Variants in KIF26A observed in about 807,000 individuals in gnomAD.
KIF26A encodes kinesin family member 26A.
A neutral mutation model predicts 126.0 loss-of-function variants in KIF26A; 74 were observed. The ratio of observed to expected loss-of-function variants is 0.59; its 90% confidence interval spans 0.49 to 0.71. KIF26A has a LOEUF of 0.71. Among genes scored for constraint, KIF26A ranks in the 30% least tolerant of loss-of-function variants. The pLI is 0.00. For synonymous variants in KIF26A, 1,445 were observed against 1,232.7 expected, an observed-to-expected ratio of 1.17 and a Z score of -3.61; for missense variants, 2,984 against 2,763.3, an observed-to-expected ratio of 1.08 and a Z score of -1.79.
At chr14:104,159,581 G>A (rs572008193) in intron 4 of KIF26A, among the ~76,000 whole-genome samples, 2 of 152,360 alleles carry the variant, frequency 1.3e-5, no homozygotes, top group South Asian at 4.1e-4. Flanking sequence ...CCGCTTGCCA[G>A]CCGCGCTGCC....
chr14:104,175,849 C>T lies in KIF26A; in HGVS notation c.3061C>T (p.Gln1021Ter), dbSNP rs2038017286. ...RGLLTTTVTL[Q>*]RPVELNGEDE... The stretch of plus-strand genomic sequence containing the variant: ...CCTGCTCACCACCACAGTGACCCTG[C>T]AGCGGCCAGTGGAGCTCAACGGCGA... Residue 1021 changes from glutamine (Q) to a stop codon, truncating the protein, a stop_gained, in exon 12 of 15, where the codon CAG becomes TAG. Transcript: ENST00000423312. LOFTEE classifies it high-confidence loss of function. 6.5e-7 allele frequency: 1 copy of T among 1,539,042 alleles called. No individual in the cohort carries two copies. Among genetic ancestry groups the T allele is most frequent in the Non-Finnish European group, 8.7e-7 (1 of 1,147,392 alleles).
At chr14:104,167,984 C>T (rs997863126) in intron 5 of KIF26A, among the ~76,000 whole-genome samples, 2 of 152,188 alleles carry the variant, frequency 1.3e-5, no homozygotes, top group Admixed American at 6.5e-5. Flanking sequence ...GCTGTGCCCA[C>T]GTTGGAGACC....
chr14:104,176,338 G>A lies in KIF26A; in HGVS notation c.3550G>A (p.Ala1184Thr). ...GPCPGEVAAV[A>T]PSRPGREPQA... ...GTGCCCTGGGGAAGTGGCTGCAGTGGCCCCATCCCGACCCGGCAGGGAGCC... is the reference window on the plus strand; with the variant it reads ...GTGCCCTGGGGAAGTGGCTGCAGTGACCCCATCCCGACCCGGCAGGGAGCC... The change falls in exon 12 of 15, where the codon GCC becomes ACC. Residue 1184 changes from alanine to threonine, a missense_variant. Coordinates refer to ENST00000423312, the MANE Select transcript of KIF26A (RefSeq NM_015656.2). The A allele has an allele frequency of 6.3e-7, 1 of 1,583,102 alleles. No individual in the cohort carries two copies. The highest frequency in any genetic ancestry group is 8.6e-7 in the Non-Finnish European group (1 of 1,161,568).
chr14:104,177,151 C>T lies in KIF26A; in HGVS notation c.4363C>T (p.Pro1455Ser). The T allele has an allele frequency of 2.5e-6, 4 of 1,597,660 alleles. No individual in the cohort carries two copies. Among genetic ancestry groups the T allele is most frequent in the East Asian group, 2.2e-5 (1 of 44,830 alleles). ...CAGCAGCAGCAAGGGCCGGGAAGCC[C>T]CTGGGCGGCCTCCCCGGGCTGTACC... ...AHSSSKGREAPGRPPRAVPKL... is the reference protein window; with the variant it reads ...AHSSSKGREASGRPPRAVPKL... Residue 1455 changes from proline (P) to serine (S), a missense_variant, in exon 12 of 15, where the codon CCT becomes TCT. Physicochemically the swap from Pro to Ser is moderately conservative, Grantham distance 74 (BLOSUM62 -1). Transcript: ENST00000423312.
intron 4 of KIF26A, among the ~76,000 whole-genome samples, chr14:104,162,843 G>A (rs1008787660): frequency 1.1e-4 from 16 of 152,192 alleles, no homozygotes; most frequent in Non-Finnish European, 1.5e-4. Context: ...AGGGGCCACC[G>A]TGGGGACCGT....
At chr14:104,179,507 G>T in intron 14 of KIF26A, 102 bp from the exon 15 acceptor site, 1 of 1,427,046 alleles carries the variant, frequency 7.0e-7, no homozygotes, top group Non-Finnish European at 9.2e-7. Flanking sequence ...AGGCAGGGTC[G>T]GCCGGGCCAA....
At chr14:104,139,866 C>T (rs903498811) in intron 2 of KIF26A, among the ~76,000 whole-genome samples, 7 of 152,316 alleles carry the variant, frequency 4.6e-5, no homozygotes, top group Middle Eastern at 3.4e-3. Flanking sequence ...GGAATTGAGT[C>T]GGGGCCCTCT....
rs563662850 is a variant in KIF26A at position 104,150,386 on chromosome 14, T to C, written c.289-1629T>C. Among the ~76,000 whole-genome samples, 68 of 151,774 alleles carry C rather than the reference T, an allele frequency of 4.5e-4. 1 individual carries two copies. Among genetic ancestry groups the C allele is most frequent in the Admixed American group, 1.1e-3 (17 of 15,246 alleles). On this transcript the variant is annotated intron_variant, in intron 2 of 14. Transcript: ENST00000423312. ...AAATCCAGGCCTCTGGAGTGGCCCATAAATCAGGCAGCTGGGCCTGATGGG... is the reference window on the plus strand; with the variant it reads ...AAATCCAGGCCTCTGGAGTGGCCCACAAATCAGGCAGCTGGGCCTGATGGG...
intron 3 of KIF26A, among the ~76,000 whole-genome samples, chr14:104,153,642 G>GAACCCCACCCT (rs1218036764): frequency 3.3e-5 from 5 of 151,788 alleles, no homozygotes; most frequent in Non-Finnish European, 5.9e-5. Flanking sequence ...CCCCAGAGCT[G>GAACCCCACCCT]GGCATCCTGG....
chr14:104,154,110 G>A (rs939186181), intron 3 of KIF26A, among the ~76,000 whole-genome samples: 1 of 152,192 alleles, frequency 6.6e-6, no homozygotes, highest in Non-Finnish European at 1.5e-5. Context: ...CGTGGCCCTG[G>A]AATGTTAATG....
At chr14:104,156,755 G>A (rs961325066) in intron 3 of KIF26A, among the ~76,000 whole-genome samples, 3 of 152,210 alleles carry the variant, frequency 2.0e-5, no homozygotes, top group African/African-American at 7.2e-5. Flanking sequence ...CTGGCCTCTG[G>A]CCTGTGCCAC....
chr14:104,179,675 C>T lies in KIF26A; in HGVS notation c.5534C>T (p.Ala1845Val), dbSNP rs935332073. 2.2e-5 allele frequency: 34 copies of T among 1,548,360 alleles called. No individual in the cohort carries two copies. The highest frequency in any genetic ancestry group is 5.9e-5 in the Admixed American group (3 of 50,866). ...CTGGCGGCCCTGGAGCGAGCCACGG[C>T]GGCCCTGGAGCAGTGCGTGAACCTG... is the stretch of plus-strand genomic sequence containing the variant. ...EYLAALERAT[A>V]ALEQCVNLCK... The change falls in exon 15 of 15, where the codon GCG becomes GTG. Residue 1845 changes from alanine to valine, a missense_variant. Coordinates refer to ENST00000423312, the MANE Select transcript of KIF26A (RefSeq NM_015656.2).
chr14:104,179,761 A>G lies in KIF26A; in HGVS notation c.5620A>G (p.Ile1874Val), dbSNP rs1189161558. Residue 1874 changes from isoleucine (I) to valine (V), a missense_variant, in exon 15 of 15, where the codon ATC (isoleucine) becomes GTC (valine). Physicochemically the swap from Ile to Val is conservative, Grantham distance 29. Transcript: ENST00000423312. ...CATCAGCGTTGCAGCCAGTGCTGCC[A>G]TCCCGGGGCCGCAGGAGGTGGACGT... is the stretch of plus-strand genomic sequence containing the variant. ...FDISVAASAA[I>V]PGPQEVDV 1 of 1,549,678 alleles carries G rather than the reference A, an allele frequency of 6.5e-7. No homozygotes were observed. The highest frequency in any genetic ancestry group is 2.4e-5 in the East Asian group (1 of 41,766).
In KIF26A at chr14:104,152,387, A is replaced by G. The variant is rs2037738342; in HGVS notation, c.661A>G (p.Ile221Val). Residue 221 changes from isoleucine (I) to valine (V), a missense_variant, in exon 3 of 15, where the codon ATC (isoleucine) becomes GTC (valine). Ile to Val is a conservative substitution (Grantham distance 29). Transcript: ENST00000423312. This position sits in a 1 kb window ranked among gnomAD's most constrained non-coding sequence, Gnocchi z 5.9. ...TGGAGGGGCGCTGAGCACGGTCACC[A>G]TCCAGGCCCAGCAGTGCCTGGAGGG... is the stretch of plus-strand genomic sequence containing the variant. ...GLGGALSTVTIQAQQCLEGMW... is the reference protein window; with the variant it reads ...GLGGALSTVTVQAQQCLEGMW... 6.3e-7 allele frequency: 1 copy of G among 1,596,934 alleles called. No homozygotes were observed. Among genetic ancestry groups the G allele is most frequent in the Admixed American group, 1.7e-5 (1 of 57,752 alleles).
rs768545481 is a variant in KIF26A, at chr14:104,152,063, G to T, written c.337G>T (p.Ala113Ser). The change falls in exon 3 of 15, where the codon GCC (alanine) becomes TCC (serine). Residue 113 changes from alanine to serine, a missense_variant. By Grantham distance (99) the Ala-to-Ser change is moderately conservative. Transcript: ENST00000423312. This position sits in a 1 kb window ranked among gnomAD's most constrained non-coding sequence, Gnocchi z 5.9. ...LLLDKLPAPG[A>S]LPACRPEAER... ...TCTCGACAAGCTACCAGCACCTGGG[G>T]CCCTGCCAGCCTGTCGCCCAGAGGC... 17 of 1,612,582 alleles carry T rather than the reference G, an allele frequency of 1.1e-5. No individual in the cohort carries two copies. In the South Asian group the frequency reaches 1.8e-4, roughly 17 times the overall value.
At position 104,152,423 on chromosome 14, in the gene KIF26A, G is replaced by A. The variant is rs1353781488; in HGVS notation, c.697G>A (p.Val233Ile). Residue 233 changes from valine (V) to isoleucine (I), a missense_variant, in exon 3 of 15, where the codon GTC becomes ATC. By Grantham distance (29) the Val-to-Ile change is conservative. Transcript: ENST00000423312. This position sits in a 1 kb window ranked among gnomAD's most constrained non-coding sequence, Gnocchi z 5.9. Reference sequence around the variant, plus strand: ...GCAGTGCCTGGAGGGCATGTGGAGTGTCTCGCGGGTCAACAGCTTCCTCCC... The same window carrying A: ...GCAGTGCCTGGAGGGCATGTGGAGTATCTCGCGGGTCAACAGCTTCCTCCC... ...AQQCLEGMWS[V>I]SRVNSFLPPA... 6.3e-7 allele frequency: 1 copy of A among 1,594,552 alleles called. No homozygotes were observed. Among genetic ancestry groups the A allele is most frequent in the Admixed American group, 1.7e-5 (1 of 57,716 alleles).
intron 7 of KIF26A, 94 bp downstream of exon 7, chr14:104,172,762 G>A (rs2037972500): frequency 1.7e-6 from 2 of 1,154,876 alleles, no homozygotes; most frequent in South Asian, 2.8e-5. Context: ...TGGGAAAGGA[G>A]GCTGGTCCTA....
At position 104,161,643 on chromosome 14, in the gene KIF26A, C is replaced by T. The variant is rs74889233; in HGVS notation, c.923+3701C>T. On this transcript the variant is annotated intron_variant, in intron 4 of 14. Coordinates refer to ENST00000423312, the MANE Select transcript of KIF26A (RefSeq NM_015656.2). ...CCGCTGTCTCGTTCATCCTCGCTCA[C>T]GCGTGTTCTGAGCTTCTTCTGTGAG... is the stretch of plus-strand genomic sequence containing the variant. Among the ~76,000 whole-genome samples the T allele has an allele frequency of 5.0e-4, 76 of 152,328 alleles. No individual in the cohort carries two copies. In the East Asian group the frequency reaches 7.9e-3, roughly 16 times the overall value.
At chr14:104,139,618 G>T (rs971074500) in intron 2 of KIF26A, among the ~76,000 whole-genome samples, 1 of 152,176 alleles carries the variant, frequency 6.6e-6, no homozygotes, top group Non-Finnish European at 1.5e-5. Context: ...CTCCACCCAG[G>T]GCGGGACAGC....
Sources: gnomAD v4.1 joint callset for allele counts (sites outside exome capture counted in the v4.1 genomes callset) on GRCh38, gnomAD v4.1.1 for gene constraint, Gnocchi (gnomAD v3.1) non-coding constraint, MANE v1.5 for transcripts, NCBI Gene and HGNC (gene_info 2026-07-23, HGNC 2026-07-21) for gene names.